Variants in STAT4 observed in about 807,000 individuals in gnomAD.
STAT4 encodes the protein signal transducer and activator of transcription 4.
STAT4 carries 42 observed loss-of-function variants against 110.5 expected under a neutral mutation model. That is an observed-to-expected ratio of 0.38 (90% confidence interval 0.30 to 0.49). The LOEUF is 0.49. Among genes scored for constraint, STAT4 ranks in the 20% least tolerant of loss-of-function variants. STAT4 has a pLI of 0.95. For synonymous variants in STAT4, 284 were observed against 302.2 expected, an observed-to-expected ratio of 0.94 and a Z score of 0.63; for missense variants, 632 against 887.9, an observed-to-expected ratio of 0.71 and a Z score of 3.66.
intron 13 of STAT4, 81 bp from the exon 14 acceptor site, chr2:191,054,615 T>C (rs543309256): frequency 7.9e-7 from 1 of 1,267,662 alleles, no homozygotes; most frequent in East Asian, 2.4e-5. Context: ...GTTGCGGTCA[T>C]TTTCTTGGCC....
At chr2:191,076,187 T>C in intron 4 of STAT4, 40 bp downstream of exon 4, 1 of 1,532,266 alleles carries the variant, frequency 6.5e-7, no homozygotes, top group Non-Finnish European at 9.0e-7. Flanking sequence ...AAAAATTGAG[T>C]TCAAGGTGAT....
chr2:191,054,706 G>A (rs548210394), intron 13 of STAT4, among the ~76,000 whole-genome samples, 172 bp from the exon 14 acceptor site: 1 of 152,342 alleles, frequency 6.6e-6, no homozygotes, highest in African/African-American at 2.4e-5. Context: ...ACAGAGAGGA[G>A]TTTCCTGTCT....
At chr2:191,067,059 CTT>C (rs778886728) in intron 6 of STAT4, among the ~76,000 whole-genome samples, 2 of 133,888 alleles carry the variant, frequency 1.5e-5, no homozygotes, top group Non-Finnish European at 1.6e-5. Flanking sequence ...ACTTTTTTTT[CTT>C]TTTTTTTTTT....
intron 6 of STAT4, among the ~76,000 whole-genome samples, chr2:191,067,098 A>T (rs1351241401): frequency 6.6e-6 from 1 of 151,206 alleles, no homozygotes; most frequent in Non-Finnish European, 1.5e-5. Context: ...TCATCGTAAA[A>T]CTAGCAGTGG....
At chr2:191,085,354 T>C (rs1400958948) in intron 3 of STAT4, among the ~76,000 whole-genome samples, 2 of 151,892 alleles carry the variant, frequency 1.3e-5, no homozygotes, top group African/African-American at 4.8e-5. Context: ...TTGATCTTAC[T>C]TGATATGTTA....
intron 3 of STAT4, among the ~76,000 whole-genome samples, chr2:191,101,683 C>T (rs1171954343): frequency 6.6e-6 from 1 of 152,090 alleles, no homozygotes; most frequent in East Asian, 1.9e-4. Context: ...TGTCCTACTA[C>T]TGGTCATTTT....
Position 191,041,148 on chromosome 2 carries a change from C to T in STAT4, c.1252G>A (p.Gly418Ser). 7.0e-7 allele frequency: 1 copy of T among 1,422,912 alleles called. No individual in the cohort carries two copies. Among genetic ancestry groups the T allele is most frequent in the Non-Finnish European group, 9.3e-7 (1 of 1,079,778 alleles). 88.1% of individuals were successfully genotyped at this position (1,422,912 alleles called of 1,614,324 possible). A position where few individuals can be genotyped will look rare whatever the true frequency, so the allele number is the denominator to read the frequency against. The change falls in exon 15 of 24, where the codon GGC becomes AGC. Residue 418 changes from glycine to serine, a missense_variant and splice_region_variant. Gly to Ser is a moderately conservative substitution (Grantham distance 56). Around this residue, in one of 4 missense-constraint regions of STAT4, gnomAD observed 488 missense variants for 632.8 expected, o/e 0.77. Transcript: ENST00000392320. ...AGTTCTTCAGTCACCATGTGACAGCCCTAAGGAAGAGAGAAATAAATTGTT... is the reference window on the plus strand; with the variant it reads ...AGTTCTTCAGTCACCATGTGACAGCTCTAAGGAAGAGAGAAATAAATTGTT... ...KSSAGGKGNE[G>S]CHMVTEELHS...
In STAT4 at chr2:191,031,308, G is replaced by A. The variant is rs771199453; in HGVS notation, c.2111+142C>T. 27 of 991,352 alleles carry A rather than the reference G, an allele frequency of 2.7e-5. No homozygotes were observed. The highest frequency in any genetic ancestry group is 4.0e-5 in the Non-Finnish European group (27 of 679,250). 61.4% of individuals were successfully genotyped at this position (991,352 alleles called of 1,614,324 possible). On this transcript the variant is annotated intron_variant, in intron 22 of 23. Coordinates refer to ENST00000392320, the MANE Select transcript of STAT4 (RefSeq NM_003151.4). This position sits in a 1 kb window ranked among gnomAD's most constrained non-coding sequence, Gnocchi z 4.8. ...TAGATTGTGGTAAGTGTGCCCTGAA[G>A]GCTAGCCTTATGTATTAAAGGAAAT...
chr2:191,113,700 C>T lies in STAT4; in HGVS notation c.273+32913G>A, dbSNP rs186055872. On this transcript the variant is annotated intron_variant, in intron 3 of 23. Coordinates refer to ENST00000392320, the MANE Select transcript of STAT4 (RefSeq NM_003151.4). The surrounding 1 kb of genome is among the most constrained non-coding windows in gnomAD (Gnocchi z 4.8). ...AGAGTGTTCCGAGTTGGAGTTTCAT[C>T]AAAAGGAGCAGGGAAATAGGATAGA... Among the ~76,000 whole-genome samples, 17 of 152,142 alleles carry T rather than the reference C, an allele frequency of 1.1e-4. No homozygotes were observed. The highest frequency in any genetic ancestry group is 2.6e-4 in the Admixed American group (4 of 15,290).
chr2:191,115,402 C>T (rs1383685107), intron 3 of STAT4, among the ~76,000 whole-genome samples: 1 of 152,122 alleles, frequency 6.6e-6, no homozygotes, highest in African/African-American at 2.4e-5. Context: ...AATAAAGCAA[C>T]CTTGGTGTCT....
At position 191,076,377 on chromosome 2, in the gene STAT4, G is replaced by A. The variant is rs774555406; in HGVS notation, c.274-52C>T. 3.1e-6 allele frequency: 4 copies of A among 1,306,122 alleles called. No homozygotes were observed. The Admixed American group carries it at 6.2e-5, about 20-fold the overall frequency. The allele number at this position is 1,306,122 out of a possible 1,614,324, so 80.9% of individuals were successfully genotyped here. Reference sequence around the variant, plus strand: ...TAACTAACGTAAAGCTTAAATATATGTATCATAAGAAAATATCACCTCTTG... The same window carrying A: ...TAACTAACGTAAAGCTTAAATATATATATCATAAGAAAATATCACCTCTTG... On this transcript the variant is annotated intron_variant, in intron 3 of 23. Coordinates refer to ENST00000392320, the MANE Select transcript of STAT4 (RefSeq NM_003151.4).
intron 3 of STAT4, among the ~76,000 whole-genome samples, chr2:191,129,980 T>G (rs1456212307): frequency 6.6e-6 from 1 of 151,956 alleles, no homozygotes; most frequent in East Asian, 1.9e-4. Flanking sequence ...CTTGTTTTAG[T>G]GGTCTTTTTG....
Position 191,059,642 on chromosome 2 carries a change from G to A in STAT4, c.1035-873C>T, listed in dbSNP as rs1280095634. On this transcript the variant is annotated intron_variant, in intron 10 of 23. Coordinates refer to ENST00000392320, the MANE Select transcript of STAT4 (RefSeq NM_003151.4). The surrounding 1 kb of genome is among the most constrained non-coding windows in gnomAD (Gnocchi z 4.7). ...GGACGTGGCTCTACATAAAAGGAGG[G>A]AGTCCAGGCACACAAATGGAAAACA... Among the ~76,000 whole-genome samples the A allele has an allele frequency of 6.6e-6, 1 of 152,206 alleles. No individual in the cohort carries two copies. The highest frequency in any genetic ancestry group is 6.5e-5 in the Admixed American group (1 of 15,284).
chr2:191,145,624 C>T (rs912366870), intron 3 of STAT4, among the ~76,000 whole-genome samples: 2 of 152,144 alleles, frequency 1.3e-5, no homozygotes, highest in African/African-American at 4.8e-5. Context: ...GATAGCTCAG[C>T]GCAATCCAAA....
intron 3 of STAT4, among the ~76,000 whole-genome samples, chr2:191,141,819 C>G (rs1699343929): frequency 1.3e-5 from 2 of 151,674 alleles, no homozygotes; most frequent in African/African-American, 4.9e-5. Flanking sequence ...TTAGTAGAGA[C>G]AGGGTTTTGC....
At chr2:191,052,432 C>T (rs1015589698) in intron 14 of STAT4, among the ~76,000 whole-genome samples, 2 of 152,064 alleles carry the variant, frequency 1.3e-5, no homozygotes, top group Admixed American at 6.6e-5. Flanking sequence ...CATTCTGATA[C>T]GACTGTATGA....
chr2:191,122,646 G>C (rs1170796910), intron 3 of STAT4, among the ~76,000 whole-genome samples: 3 of 152,148 alleles, frequency 2.0e-5, no homozygotes, highest in Admixed American at 1.3e-4. Flanking sequence ...TTGTACTATA[G>C]TTATACAATG....
At chr2:191,151,370 A>G, upstream of STAT4, 1 of 985,676 alleles carries the variant, frequency 1.0e-6, no homozygotes, top group Non-Finnish European at 1.2e-6. This position sits in a 1 kb window ranked among gnomAD's most constrained non-coding sequence, Gnocchi z 4.7. Context: ...TCTCCCTAGT[A>G]TAAGGCTCCA....
chr2:191,081,374 G>A (rs750469301), intron 3 of STAT4, among the ~76,000 whole-genome samples: 12 of 152,256 alleles, frequency 7.9e-5, no homozygotes, highest in South Asian at 4.1e-4. Flanking sequence ...GGATTGCTGC[G>A]TCAAGTGGTA....
Sources: allele counts gnomAD v4.1 joint callset (sites outside exome capture counted in the v4.1 genomes callset), GRCh38; gene constraint gnomAD v4.1.1; regional missense constraint gnomAD v4.1.1; non-coding constraint Gnocchi (gnomAD v3.1); transcripts MANE v1.5; gene names NCBI Gene and HGNC (gene_info 2026-07-23, HGNC 2026-07-21).